Variants in NF1 observed in about 807,000 individuals in gnomAD.
The protein encoded by NF1 is neurofibromin 1.
Under a neutral mutation model 325.7 loss-of-function variants are expected in NF1, and 122 were observed. That is an observed-to-expected ratio of 0.37 (90% CI 0.32 to 0.44). The LOEUF (loss-of-function observed/expected upper bound fraction) is 0.44, where lower values mean the gene tolerates loss of function less well. Among genes scored for constraint, NF1 ranks in the 20% least tolerant of loss-of-function variants. The pLI, the probability that NF1 is intolerant of heterozygous loss-of-function variation, is 1.00. For synonymous variants in NF1, 1,091 were observed against 1,186.0 expected, an observed-to-expected ratio of 0.92 and a Z score of 1.65; for missense variants, 2,140 against 3,415.4, an observed-to-expected ratio of 0.63 and a Z score of 9.31.
chr17:31,314,502 A>G (rs2068970944), intron 36 of NF1: 1 of 152,470 alleles, frequency 6.6e-6, no homozygotes, highest in Admixed American at 6.5e-5. Flanking sequence ...GTGAGGATTA[A>G]ATAAGATAGC....
intron 36 of NF1, among the ~76,000 whole-genome samples, chr17:31,290,847 A>C (rs1274331092): frequency 1.3e-5 from 2 of 152,110 alleles, no homozygotes; most frequent in African/African-American, 4.8e-5. Context: ...CTCTACTAAA[A>C]ATACAAAAAT....
chr17:31,272,027 G>C (rs938149596), intron 36 of NF1: 2 of 151,988 alleles, frequency 1.3e-5, no homozygotes, highest in African/African-American at 4.8e-5. Context: ...GCTTGTTTCA[G>C]CATTTAATAA....
chr17:31,353,243 T>C (rs2070197125), intron 51 of NF1, among the ~76,000 whole-genome samples: 1 of 152,164 alleles, frequency 6.6e-6, no homozygotes, highest in Admixed American at 6.5e-5. Flanking sequence ...GATTGCTCAG[T>C]TACATCAACA....
intron 29 of NF1, among the ~76,000 whole-genome samples, chr17:31,237,200 A>T (rs2067218243): frequency 6.6e-6 from 1 of 152,342 alleles, no homozygotes; most frequent in Admixed American, 6.5e-5. Context: ...CAACTGTAAT[A>T]TCTATTCAGA....
intron 29 of NF1, 74 bp downstream of exon 29, chr17:31,236,095 A>G (rs1384376027): frequency 7.3e-6 from 8 of 1,098,048 alleles, no homozygotes; most frequent in Middle Eastern, 2.0e-4. Context: ...CTAACACTGC[A>G]TGAAGCAAGG....
chr17:31,330,734 G>T, intron 39 of NF1: 1 of 541,684 alleles, frequency 1.8e-6, no homozygotes, highest in South Asian at 2.3e-5. Flanking sequence ...GCAAGAGTTT[G>T]GTACTTTACA....
rs1555536034 is a variant in NF1 at position 31,349,214 on chromosome 17, A to C, written c.7284A>C (p.Lys2428Asn). The C allele has an allele frequency of 1.2e-6, 2 of 1,613,518 alleles. No homozygotes were observed. Among genetic ancestry groups the C allele is most frequent in the South Asian group, 2.2e-5 (2 of 91,050 alleles). The change falls in exon 49 of 58, where the codon AAA (lysine) becomes AAC (asparagine). Residue 2428 changes from lysine (K) to asparagine (N), a missense_variant. Transcript: ENST00000358273. ...TLVNKHRNCDKFEVNTQSVAY... is the reference protein window; with the variant it reads ...TLVNKHRNCDNFEVNTQSVAY... ...TTAACAAACACAGAAATTGTGACAA[A>C]TTTGAAGTGAATACACAGAGCGTGG... is the stretch of plus-strand genomic sequence containing the variant.
intron 8 of NF1, among the ~76,000 whole-genome samples, chr17:31,192,112 G>C (rs1010993224): frequency 1.3e-5 from 2 of 152,108 alleles, no homozygotes; most frequent in Non-Finnish European, 2.9e-5. Context: ...GAATGTAACA[G>C]TTTCCCATAC....
Position 31,357,250 on chromosome 17 carries a change from CT to C in NF1, c.7870-13del, listed in dbSNP as rs369360556. 2 of 1,611,056 alleles carry C rather than the reference CT, an allele frequency of 1.2e-6. No homozygotes were observed. On this transcript the variant is annotated intron_variant, in intron 53 of 57. Transcript: ENST00000358273. ...ACAAAGTAAAAATGTTGTGTGTTTA[CT>C]TTTTTGCATCTTGGCAGGCTACACT...
At chr17:31,258,270 C>T in intron 31 of NF1, 74 bp from the exon 32 acceptor site, 1 of 1,529,284 alleles carries the variant, frequency 6.5e-7, no homozygotes, top group Non-Finnish European at 9.1e-7. Context: ...CAAAGTTTGA[C>T]CTTTGAACTC....
chr17:31,261,934 G>A (rs2151466775), intron 35 of NF1, 77 bp downstream of exon 35: 1 of 1,418,964 alleles, frequency 7.0e-7, no homozygotes, highest in Non-Finnish European at 9.9e-7. Flanking sequence ...CCACTTGTTA[G>A]ATATGATAGA....
intron 1 of NF1, among the ~76,000 whole-genome samples, chr17:31,130,599 T>C (rs1418574462): frequency 6.6e-6 from 1 of 151,930 alleles, no homozygotes; most frequent in Non-Finnish European, 1.5e-5. Flanking sequence ...GTGGGTCCTC[T>C]GTTTTCTCTG....
At chr17:31,310,973 G>A (rs1239797122) in intron 36 of NF1, among the ~76,000 whole-genome samples, 1 of 148,862 alleles carries the variant, frequency 6.7e-6, no homozygotes, top group African/African-American at 2.5e-5. Flanking sequence ...TGGAGACAGG[G>A]TCTCACTCTG....
chr17:31,358,217 C>T (rs2070318480), intron 54 of NF1: 1 of 507,424 alleles, frequency 2.0e-6, no homozygotes, highest in Non-Finnish European at 3.6e-6. Flanking sequence ...TATGGTTACA[C>T]ATGGTTATAT....
chr17:31,184,575 AG>A (rs1197997152), intron 8 of NF1, among the ~76,000 whole-genome samples: 1 of 148,802 alleles, frequency 6.7e-6, no homozygotes, highest in African/African-American at 2.5e-5. Flanking sequence ...CGTGAACCCC[AG>A]GGGGCGGAGC....
At chr17:31,156,613 TC>T (rs1230349227) in intron 2 of NF1, among the ~76,000 whole-genome samples, 1 of 152,208 alleles carries the variant, frequency 6.6e-6, no homozygotes, top group Non-Finnish European at 1.5e-5. Flanking sequence ...TGTTTTTTCT[TC>T]CTTCTGTAAC....
intron 15 of NF1, among the ~76,000 whole-genome samples, chr17:31,222,991 C>G (rs1017166821): frequency 3.9e-5 from 6 of 152,108 alleles, no homozygotes; most frequent in African/African-American, 1.4e-4. Flanking sequence ...ATGAAAGTGG[C>G]CACAGACATG....
chr17:31,376,369 TGTA>T lies in NF1; in HGVS notation c.*2218_*2220del, dbSNP rs1337863336. The T allele has an allele frequency of 2.7e-5, 6 of 226,342 alleles. No homozygotes were observed. Among genetic ancestry groups the T allele is most frequent in the African/African-American group, 1.3e-4 (6 of 44,986 alleles). The allele number at this position is 226,342 out of a possible 1,614,324, so 14.0% of individuals were successfully genotyped here. ...TTTCCATAAACGGGTTTACCAAGGG[TGTA>T]GTATTTCATACCGCCTGAAATGATC... is the stretch of plus-strand genomic sequence containing the variant. On this transcript the variant is annotated 3_prime_UTR_variant, in exon 58 of 58. Coordinates refer to ENST00000358273, the MANE Select transcript of NF1 (RefSeq NM_001042492.3).
At position 31,327,859 on chromosome 17, in the gene NF1, C is replaced by T. The variant is rs2151542052; in HGVS notation, c.5609+20C>T. On this transcript the variant is annotated intron_variant, in intron 38 of 57. Transcript: ENST00000358273. ...TTTACGGTAGGTTTTTTAAAATTCT[C>T]TTCAGTTTGATTTGGGGTTTGTTGC... 4 of 1,601,160 alleles carry T rather than the reference C, an allele frequency of 2.5e-6. No homozygotes were observed. The highest frequency in any genetic ancestry group is 2.6e-6 in the Non-Finnish European group (3 of 1,169,160).
Sources: allele counts gnomAD v4.1 joint callset (sites outside exome capture counted in the v4.1 genomes callset), GRCh38; gene constraint gnomAD v4.1.1; transcripts MANE v1.5; gene names NCBI Gene and HGNC (gene_info 2026-07-23, HGNC 2026-07-21).